The following DIAPH3 variants were observed in gnomAD, a reference collection of about 807,000 sequenced individuals.
DIAPH3 encodes protein diaphanous homolog 3.
In DIAPH3, 117 loss-of-function variants were observed where a neutral mutation model predicts 144.3. The ratio of observed to expected loss-of-function variants is 0.81; its 90% CI spans 0.70 to 0.95. The LOEUF (loss-of-function observed/expected upper bound fraction) is 0.95, where lower values mean the gene tolerates loss of function less well. Among genes scored for constraint, DIAPH3 ranks in the 40% least tolerant of loss-of-function variants. The pLI, the probability that DIAPH3 is intolerant of heterozygous loss-of-function variation, is 0.00. For synonymous variants in DIAPH3, 519 were observed against 488.9 expected, an observed-to-expected ratio of 1.06 and a Z score of -0.81; for missense variants, 1,421 against 1,412.7, an observed-to-expected ratio of 1.01 and a Z score of -0.09.
chr13:60,155,769 C>T (rs1381632930), intron 1 of DIAPH3, among the ~76,000 whole-genome samples: 1 of 152,132 alleles, frequency 6.6e-6, no homozygotes, highest in Non-Finnish European at 1.5e-5. Context: ...TAGATATCAC[C>T]TCCATCTTTT....
intron 21 of DIAPH3, among the ~76,000 whole-genome samples, chr13:59,873,991 G>A (rs1157604405): frequency 6.6e-6 from 1 of 152,124 alleles, no homozygotes; most frequent in Admixed American, 6.5e-5. Context: ...ATTCTTAAGT[G>A]AAGAAGTAAA....
intron 27 of DIAPH3, among the ~76,000 whole-genome samples, chr13:59,673,998 G>C (rs1327132371): frequency 6.6e-6 from 1 of 152,178 alleles, no homozygotes; most frequent in East Asian, 1.9e-4. Context: ...GAGGGTAGTA[G>C]GAAGCACTGA....
intron 27 of DIAPH3, among the ~76,000 whole-genome samples, chr13:59,757,633 C>T (rs1250500637): frequency 6.6e-6 from 1 of 152,000 alleles, no homozygotes; most frequent in East Asian, 1.9e-4. Flanking sequence ...ATCTCCTGAC[C>T]TCGTGATCCG....
At chr13:59,900,134 T>C (rs918546227) in intron 20 of DIAPH3, among the ~76,000 whole-genome samples, 1 of 152,180 alleles carries the variant, frequency 6.6e-6, no homozygotes, top group Non-Finnish European at 1.5e-5. Context: ...CAGGATTTGA[T>C]ATTACTATTT....
intron 27 of DIAPH3, among the ~76,000 whole-genome samples, chr13:59,733,862 C>T (rs1006204337): frequency 2.0e-5 from 3 of 152,218 alleles, no homozygotes; most frequent in African/African-American, 7.2e-5. Flanking sequence ...GAAGTGAATA[C>T]CAACCAATGA....
At chr13:59,831,835 A>C (rs992203923) in intron 24 of DIAPH3, among the ~76,000 whole-genome samples, 4 of 152,034 alleles carry the variant, frequency 2.6e-5, no homozygotes, top group African/African-American at 9.6e-5. Flanking sequence ...ACTGTATAAT[A>C]ATTTATTGAG....
chr13:59,784,561 G>C (rs146835509), intron 25 of DIAPH3, among the ~76,000 whole-genome samples: 175 of 151,758 alleles, frequency 1.2e-3, no homozygotes, highest in African/African-American at 4.0e-3. Flanking sequence ...ATTTTTAGTA[G>C]AGATGGGGTT....
intron 27 of DIAPH3, among the ~76,000 whole-genome samples, chr13:59,671,166 A>G (rs1593545629): frequency 1.3e-5 from 2 of 152,366 alleles, no homozygotes; most frequent in East Asian, 3.9e-4. Flanking sequence ...CTTTCAAACA[A>G]CAGAGTGATC....
At chr13:60,036,976 T>C (rs1464741112) in intron 5 of DIAPH3, among the ~76,000 whole-genome samples, 1 of 12,820 alleles carries the variant, frequency 7.8e-5, no homozygotes. Context: ...GAAAATTCCC[T>C]ATCAGAATAA....
intron 4 of DIAPH3, among the ~76,000 whole-genome samples, chr13:60,071,023 T>A (rs1314911260): frequency 3.3e-5 from 5 of 152,232 alleles, no homozygotes; most frequent in Admixed American, 3.3e-4. Flanking sequence ...TTGACAAATG[T>A]TTCTTTTTCT....
intron 5 of DIAPH3, among the ~76,000 whole-genome samples, chr13:60,035,516 A>C (rs2055147872): frequency 6.6e-6 from 1 of 152,212 alleles, no homozygotes; most frequent in Non-Finnish European, 1.5e-5. Context: ...TACTTATTTG[A>C]AAACATTAAT....
chr13:60,002,579 A>T (rs1394035637), intron 9 of DIAPH3, among the ~76,000 whole-genome samples: 1 of 152,216 alleles, frequency 6.6e-6, no homozygotes, highest in Non-Finnish European at 1.5e-5. Context: ...ACTATGACAG[A>T]CTAACATGTC....
At chr13:59,866,948 T>C (rs74084440) in intron 21 of DIAPH3, among the ~76,000 whole-genome samples, 3,281 of 151,808 alleles carry the variant, frequency 0.022, 129 homozygotes, top group African/African-American at 0.076. Context: ...CCAACCACCA[T>C]TATAGAATGG....
chr13:59,825,446 T>A (rs1199969451), intron 24 of DIAPH3, among the ~76,000 whole-genome samples: 1 of 152,202 alleles, frequency 6.6e-6, no homozygotes, highest in Admixed American at 6.5e-5. Context: ...TTGTTGGACA[T>A]TTGGGTTGGT....
At chr13:59,995,357 A>G (rs2052127014) in intron 9 of DIAPH3, among the ~76,000 whole-genome samples, 1 of 151,936 alleles carries the variant, frequency 6.6e-6, no homozygotes, top group Admixed American at 6.6e-5. Context: ...TGCATGTTAC[A>G]GAAATCGTTA....
chr13:60,015,048 T>A (rs1205611050), intron 7 of DIAPH3, among the ~76,000 whole-genome samples: 1 of 152,040 alleles, frequency 6.6e-6, no homozygotes, highest in East Asian at 1.9e-4. Flanking sequence ...CAGGCTGGAG[T>A]GCAGTGATTC....
At chr13:59,971,454 A>G (rs1045762941) in intron 15 of DIAPH3, among the ~76,000 whole-genome samples, 1 of 152,122 alleles carries the variant, frequency 6.6e-6, no homozygotes. Flanking sequence ...ATGTGGATCT[A>G]GAAGATTTGA....
At chr13:60,062,419 G>T (rs1594551829) in intron 4 of DIAPH3, among the ~76,000 whole-genome samples, 1 of 152,182 alleles carries the variant, frequency 6.6e-6, no homozygotes, top group South Asian at 2.1e-4. Context: ...CCAATTTACT[G>T]GGTAATTCTT....
At chr13:59,799,379 A>G (rs560521320) in intron 25 of DIAPH3, among the ~76,000 whole-genome samples, 483 of 53,836 alleles carry the variant, frequency 9.0e-3, no homozygotes, top group African/African-American at 0.029. Context: ...AAATATGCAC[A>G]CACACACACA....
Sources: gnomAD v4.1 joint callset for allele counts (sites outside exome capture counted in the v4.1 genomes callset) on GRCh38, gnomAD v4.1.1 for gene constraint, MANE v1.5 for transcripts, NCBI Gene and HGNC (gene_info 2026-07-23, HGNC 2026-07-21) for gene names.